Variants in NR3C1 observed in about 807,000 individuals in gnomAD.
The protein encoded by NR3C1 is nuclear receptor subfamily 3 group C member 1.
In NR3C1, 14 loss-of-function variants were observed where a neutral mutation model predicts 74.0. That is an observed-to-expected ratio of 0.19 (90% confidence interval 0.12 to 0.30). NR3C1 has a LOEUF of 0.30. NR3C1 is among the 10% of genes least tolerant of loss of function. NR3C1 has a pLI of 1.00. For synonymous variants in NR3C1, 308 were observed against 332.5 expected, an observed-to-expected ratio of 0.93 and a Z score of 0.80; for missense variants, 695 against 909.8, an observed-to-expected ratio of 0.76 and a Z score of 3.04.
chr5:143,380,748 T>C (rs1303139510), intron 2 of NR3C1, among the ~76,000 whole-genome samples: 1 of 152,186 alleles, frequency 6.6e-6, no homozygotes, highest in African/African-American at 2.4e-5. Flanking sequence ...GGCCGAAATA[T>C]AAATCTGATA....
intron 2 of NR3C1, among the ~76,000 whole-genome samples, chr5:143,367,594 T>C (rs1304930893): frequency 6.6e-6 from 1 of 152,194 alleles, no homozygotes; most frequent in Non-Finnish European, 1.5e-5. Context: ...ATCAGTTGCA[T>C]TACTAATCAG....
rs146490027 is a variant in NR3C1 at position 143,340,327 on chromosome 5, T to C, written c.1185-26159A>G. ...CCAAATTGATTTAATTTCAATGCAA[T>C]ACCAATCATAATCCCAGCAGGCTTT... On this transcript the variant is annotated intron_variant, in intron 2 of 8. Coordinates refer to ENST00000394464, the MANE Select transcript of NR3C1 (RefSeq NM_000176.3). Among the ~76,000 whole-genome samples the C allele has an allele frequency of 7.8e-4, 118 of 151,184 alleles. 3 individuals carry two copies. The East Asian group carries it at 0.021, about 26-fold the overall frequency.
intron 1 of NR3C1, among the ~76,000 whole-genome samples, chr5:143,402,232 T>C (rs979461576): frequency 3.3e-5 from 5 of 152,220 alleles, no homozygotes; most frequent in African/African-American, 1.2e-4. Flanking sequence ...TGCCGCTTTT[T>C]TGACAGCTGC....
chr5:143,359,098 C>G (rs1343462359), intron 2 of NR3C1, among the ~76,000 whole-genome samples: 1 of 152,116 alleles, frequency 6.6e-6, no homozygotes, highest in Non-Finnish European at 1.5e-5. Flanking sequence ...ATAGTTATGT[C>G]AGGGTTATCA....
At chr5:143,333,492 G>A (rs1425339164) in intron 2 of NR3C1, among the ~76,000 whole-genome samples, 50 of 152,030 alleles carry the variant, frequency 3.3e-4, no homozygotes, top group African/African-American at 8.9e-4. Flanking sequence ...ATTGCTGGCC[G>A]GGCGCGGTGG....
chr5:143,329,723 G>A (rs1825542355), intron 2 of NR3C1, among the ~76,000 whole-genome samples: 1 of 151,978 alleles, frequency 6.6e-6, no homozygotes, highest in Non-Finnish European at 1.5e-5. Context: ...AGGTATCATA[G>A]GTAAGAAATT....
At position 143,400,779 on chromosome 5, in the gene NR3C1, G is replaced by C; in HGVS notation, c.61C>G (p.Gln21Glu). ...AAGTCCATCACATCTCCCCTCTCCT[G>C]AGCAAGCACACTGCTGGGGTTTTCT... ...REENPSSVLA[Q>E]ERGDVMDFYK... Residue 21 changes from glutamine to glutamate, a missense_variant, in exon 2 of 9, where the codon CAG becomes GAG. Gln to Glu is a conservative substitution (Grantham distance 29). Around this residue, in one of 4 missense-constraint regions of NR3C1, gnomAD observed 497 missense variants for 489.5 expected, o/e 1.02. Transcript: ENST00000394464. 6.2e-7 allele frequency: 1 copy of C among 1,614,124 alleles called. No individual in the cohort carries two copies.
intron 2 of NR3C1, among the ~76,000 whole-genome samples, chr5:143,354,876 T>C (rs537027841): frequency 1.3e-5 from 2 of 149,290 alleles, no homozygotes; most frequent in East Asian, 3.9e-4. Flanking sequence ...TGAGCCAAGA[T>C]TGAACCACTG....
intron 7 of NR3C1, among the ~76,000 whole-genome samples, chr5:143,287,770 C>G (rs78184125): frequency 6.6e-6 from 1 of 152,032 alleles, no homozygotes; most frequent in Non-Finnish European, 1.5e-5. Context: ...ATTAGCAAAC[C>G]AAATTCAAAA....
rs1468341591 is a variant in NR3C1, at chr5:143,399,819, G to C, written c.1021C>G (p.Leu341Val). 6.2e-7 allele frequency: 1 copy of C among 1,614,190 alleles called. No homozygotes were observed. Among genetic ancestry groups the C allele is most frequent in the Non-Finnish European group, 8.5e-7 (1 of 1,180,040 alleles). Residue 341 changes from leucine (L) to valine (V), a missense_variant, in exon 2 of 9, where the codon CTT (leucine) becomes GTT (valine). By Grantham distance (32) the Leu-to-Val change is conservative (BLOSUM62 1). Around this residue, in one of 4 missense-constraint regions of NR3C1, gnomAD observed 497 missense variants for 489.5 expected, o/e 1.02. Transcript: ENST00000394464. ...MYHYDMNTASLSQQQDQKPIF... is the reference protein window; with the variant it reads ...MYHYDMNTASVSQQQDQKPIF... Reference sequence around the variant, plus strand: ...GGCTTCTGATCCTGCTGTTGAGAAAGGGATGCTGTATTCATGTCATAGTGG... The same window carrying C: ...GGCTTCTGATCCTGCTGTTGAGAAACGGATGCTGTATTCATGTCATAGTGG...
Position 143,295,446 on chromosome 5 carries a change from G to C in NR3C1, c.2023+14C>G. ...TCATGCTTTTGACATAAGGTGAAAA[G>C]GTGTTCTACCAACCTGAAGAGAGAA... On this transcript the variant is annotated intron_variant, in intron 7 of 8. Coordinates refer to ENST00000394464, the MANE Select transcript of NR3C1 (RefSeq NM_000176.3). The C allele has an allele frequency of 1.9e-6, 3 of 1,611,578 alleles. No homozygotes were observed. Among genetic ancestry groups the C allele is most frequent in the Non-Finnish European group, 1.7e-6 (2 of 1,178,566 alleles).
chr5:143,428,666 C>G (rs893247111), intron 1 of NR3C1, among the ~76,000 whole-genome samples: 3 of 152,174 alleles, frequency 2.0e-5, no homozygotes, highest in Admixed American at 1.3e-4. Flanking sequence ...GTGGTTGAGA[C>G]AGACACATAT....
intron 2 of NR3C1, among the ~76,000 whole-genome samples, chr5:143,376,923 G>A (rs1206657310): frequency 4.6e-5 from 7 of 152,142 alleles, no homozygotes; most frequent in African/African-American, 1.7e-4. Flanking sequence ...ATGGAGGAGG[G>A]AGGAAAAACA....
At chr5:143,339,698 C>G (rs552458486) in intron 2 of NR3C1, among the ~76,000 whole-genome samples, 1 of 152,328 alleles carries the variant, frequency 6.6e-6, no homozygotes, top group African/African-American at 2.4e-5. Flanking sequence ...CCCTATCCTT[C>G]TCCTCCTTCC....
At chr5:143,291,693 G>GA (rs1281475142) in intron 7 of NR3C1, among the ~76,000 whole-genome samples, 1 of 152,160 alleles carries the variant, frequency 6.6e-6, no homozygotes, top group Non-Finnish European at 1.5e-5. Context: ...GAGTTTGGGG[G>GA]AATTTCCTTT....
chr5:143,329,622 T>C (rs376535101), intron 2 of NR3C1, among the ~76,000 whole-genome samples: 47 of 152,300 alleles, frequency 3.1e-4, no homozygotes, highest in South Asian at 1.7e-3. Flanking sequence ...CAGATTAAGA[T>C]AGATTAAATT....
intron 2 of NR3C1, among the ~76,000 whole-genome samples, chr5:143,371,446 C>A (rs369540561): frequency 1.3e-5 from 2 of 152,234 alleles, no homozygotes; most frequent in African/African-American, 4.8e-5. Context: ...AGACTGTAAA[C>A]TCCTGGCTTT....
chr5:143,375,853 T>TTCCC (rs1835096040), intron 2 of NR3C1: 2 of 152,196 alleles, frequency 1.3e-5, no homozygotes, highest in Non-Finnish European at 2.9e-5. Context: ...AATCTTTATT[T>TTCCC]CAAAATAATC....
chr5:143,426,518 A>G (rs1751538120), intron 1 of NR3C1, among the ~76,000 whole-genome samples: 2 of 152,192 alleles, frequency 1.3e-5, no homozygotes, highest in African/African-American at 4.8e-5. Flanking sequence ...TTTTACAAAA[A>G]CACGTGTTTT....
Sources: gnomAD v4.1 joint callset for allele counts (sites outside exome capture counted in the v4.1 genomes callset) on GRCh38, gnomAD v4.1.1 for gene constraint, gnomAD v4.1.1 regional missense constraint, MANE v1.5 for transcripts, NCBI Gene and HGNC (gene_info 2026-07-23, HGNC 2026-07-21) for gene names.